The following SMYD3 variants were observed in gnomAD, a reference collection of about 807,000 sequenced individuals.
SMYD3 encodes SET and MYND domain containing 3.
Under a neutral mutation model 57.7 loss-of-function variants are expected in SMYD3, and 36 were observed. That is an observed-to-expected ratio of 0.62 (90% confidence interval 0.48 to 0.82). The LOEUF is 0.82. SMYD3 is among the 40% of genes least tolerant of loss of function. The probability of loss-of-function intolerance (pLI) is 0.00; values close to 1 mark genes in which losing one functional copy is unlikely to be tolerated. For missense variants in SMYD3, 515 were observed against 538.8 expected (o/e 0.96, Z 0.44); for synonymous variants, 211 against 195.0 (o/e 1.08, Z -0.68).
intron 5 of SMYD3, among the ~76,000 whole-genome samples, chr1:246,182,995 C>T (rs12406235): frequency 0.054 from 8,237 of 152,196 alleles, 455 homozygotes; most frequent in East Asian, 0.27. Flanking sequence ...TAAATTTCTC[C>T]ACACCCTTAT....
intron 5 of SMYD3, among the ~76,000 whole-genome samples, chr1:246,040,468 A>G (rs2059849784): frequency 6.6e-6 from 1 of 152,202 alleles, no homozygotes; most frequent in South Asian, 2.1e-4. Flanking sequence ...AAGTATCTCA[A>G]TGAAGCTGAT....
chr1:245,847,231 C>T (rs1408932000), intron 10 of SMYD3, among the ~76,000 whole-genome samples: 1 of 152,096 alleles, frequency 6.6e-6, no homozygotes, highest in Non-Finnish European at 1.5e-5. Flanking sequence ...CATTTATACC[C>T]CACTTTTTAT....
chr1:246,416,368 T>A (rs2067060615), intron 1 of SMYD3, among the ~76,000 whole-genome samples: 1 of 152,214 alleles, frequency 6.6e-6, no homozygotes, highest in South Asian at 2.1e-4. Flanking sequence ...AAGGTTCTAA[T>A]TAAGTTTTTT....
intron 1 of SMYD3, among the ~76,000 whole-genome samples, chr1:246,463,785 G>C: frequency 7.6e-6 from 1 of 132,214 alleles, no homozygotes; most frequent in African/African-American, 2.9e-5. Flanking sequence ...GCAGTGAGCC[G>C]AGATCGCACC....
chr1:246,312,856 T>C (rs777150943), intron 5 of SMYD3, among the ~76,000 whole-genome samples: 1 of 152,200 alleles, frequency 6.6e-6, no homozygotes, highest in Non-Finnish European at 1.5e-5. Context: ...GGTTAAACAC[T>C]ATCACACCTC....
chr1:246,367,068 C>T (rs1024280726), intron 1 of SMYD3, among the ~76,000 whole-genome samples: 3 of 151,934 alleles, frequency 2.0e-5, no homozygotes, highest in East Asian at 3.9e-4. Context: ...AAAAGGACCA[C>T]TTATTTTAGG....
chr1:246,378,805 ATTAT>A (rs2066334190), intron 1 of SMYD3, among the ~76,000 whole-genome samples: 2 of 109,306 alleles, frequency 1.8e-5, no homozygotes, highest in East Asian at 2.2e-4. Context: ...ATTTTTATAT[ATTAT>A]ATATAATATA....
chr1:246,475,433 G>A (rs758158605), intron 1 of SMYD3, among the ~76,000 whole-genome samples: 7 of 151,660 alleles, frequency 4.6e-5, no homozygotes, highest in African/African-American at 9.7e-5. Flanking sequence ...ATTTGAGGTC[G>A]GGAATTCGAG....
At chr1:246,083,896 C>T (rs957955533) in intron 5 of SMYD3, among the ~76,000 whole-genome samples, 7 of 151,922 alleles carry the variant, frequency 4.6e-5, no homozygotes, top group Admixed American at 1.3e-4. Context: ...CGAAACCAAA[C>T]GAAATGAAAG....
At chr1:245,766,422 A>G (rs1043319720) in intron 10 of SMYD3, among the ~76,000 whole-genome samples, 5 of 132,332 alleles carry the variant, frequency 3.8e-5, no homozygotes, top group Admixed American at 3.1e-4. Flanking sequence ...AAAAAAAAAA[A>G]AGGCTGAAAA....
chr1:246,234,008 ACAGAG>A (rs2063470388), intron 5 of SMYD3, among the ~76,000 whole-genome samples: 3 of 141,302 alleles, frequency 2.1e-5, no homozygotes, highest in African/African-American at 7.8e-5. Context: ...CATATACCAC[ACAGAG>A]GAGAAGCACT....
intron 5 of SMYD3, among the ~76,000 whole-genome samples, chr1:246,243,900 A>T (rs551325808): frequency 9.8e-4 from 144 of 146,206 alleles, no homozygotes; most frequent in African/African-American, 3.4e-3. Flanking sequence ...CCTTATTTTT[A>T]AAAAATGAAT....
intron 5 of SMYD3, among the ~76,000 whole-genome samples, chr1:246,088,223 C>T (rs1451803662): frequency 6.6e-6 from 1 of 152,148 alleles, no homozygotes; most frequent in African/African-American, 2.4e-5. Context: ...CAAGGACACA[C>T]ACACACTCTC....
At chr1:246,468,310 G>GA (rs1186210083) in intron 1 of SMYD3, among the ~76,000 whole-genome samples, 1 of 152,088 alleles carries the variant, frequency 6.6e-6, no homozygotes, top group African/African-American at 2.4e-5. Context: ...TATAGATGCA[G>GA]AAAAAGGCAT....
chr1:246,204,282 C>T (rs563401685), intron 5 of SMYD3, among the ~76,000 whole-genome samples: 253 of 152,264 alleles, frequency 1.7e-3, no homozygotes, highest in African/African-American at 5.4e-3. Context: ...CTCATCCTCA[C>T]ATTAATGAAA....
At chr1:246,349,824 C>A (rs2065793299) in intron 2 of SMYD3, among the ~76,000 whole-genome samples, 1 of 152,104 alleles carries the variant, frequency 6.6e-6, no homozygotes, top group Admixed American at 6.5e-5. Context: ...AAAGGCTCAA[C>A]TGAAACCACA....
At chr1:246,040,992 A>T (rs763874866) in intron 5 of SMYD3, among the ~76,000 whole-genome samples, 4 of 152,252 alleles carry the variant, frequency 2.6e-5, no homozygotes, top group Non-Finnish European at 5.9e-5. Flanking sequence ...AGTCAAGGAC[A>T]GAACACACAT....
chr1:246,168,318 C>T (rs886300020), intron 5 of SMYD3, among the ~76,000 whole-genome samples: 2 of 152,160 alleles, frequency 1.3e-5, no homozygotes, highest in African/African-American at 4.8e-5. Flanking sequence ...GAACCTCTCC[C>T]AGATTCAGCC....
At chr1:245,967,315 A>G (rs907082356) in intron 5 of SMYD3, among the ~76,000 whole-genome samples, 4 of 152,208 alleles carry the variant, frequency 2.6e-5, no homozygotes, top group South Asian at 4.1e-4. Context: ...ATTTGTCTTT[A>G]AAGTTATGGG....
Sources: gnomAD v4.1 joint callset for allele counts (sites outside exome capture counted in the v4.1 genomes callset) on GRCh38, gnomAD v4.1.1 for gene constraint, MANE v1.5 for transcripts, NCBI Gene and HGNC (gene_info 2026-07-23, HGNC 2026-07-21) for gene names.